RAD51B: variants seen among roughly 807,000 people sequenced by gnomAD.
The protein encoded by RAD51B is DNA repair protein RAD51 homolog 2.
A neutral mutation model predicts 42.2 loss-of-function variants in RAD51B; 38 were observed. That is an observed-to-expected ratio of 0.90 (90% CI 0.70 to 1.18). The LOEUF is 1.18. Among genes scored for constraint, RAD51B ranks in the 50% most tolerant of loss-of-function variants. The pLI is 0.00. For synonymous variants in RAD51B, 154 were observed against 145.2 expected (o/e 1.06, Z -0.43); for missense variants, 373 against 400.7 (o/e 0.93, Z 0.59).
At chr14:68,422,559 C>CA (rs60206313) in intron 9 of RAD51B, among the ~76,000 whole-genome samples, 27,813 of 104,458 alleles carry the variant, frequency 0.27, 4,926 homozygotes, top group East Asian at 0.5. Flanking sequence ...GTCTCCATCT[C>CA]AAAAAAAAAA....
At chr14:68,072,471 T>C (rs563872116) in intron 7 of RAD51B, among the ~76,000 whole-genome samples, 1 of 151,994 alleles carries the variant, frequency 6.6e-6, no homozygotes, top group Non-Finnish European at 1.5e-5. Context: ...GCTAGGCTCA[T>C]CTCGTCACTT....
At chr14:68,552,528 A>C (rs1888630510) in intron 10 of RAD51B, among the ~76,000 whole-genome samples, 1 of 152,248 alleles carries the variant, frequency 6.6e-6, no homozygotes, top group African/African-American at 2.4e-5. Flanking sequence ...TAGGGCCTCC[A>C]TTAAATAGAT....
At chr14:67,987,943 T>G (rs2075223244) in intron 7 of RAD51B, among the ~76,000 whole-genome samples, 1 of 152,220 alleles carries the variant, frequency 6.6e-6, no homozygotes, top group African/African-American at 2.4e-5. Flanking sequence ...TGCCGAGTGA[T>G]TTTATTCTTG....
intron 7 of RAD51B, among the ~76,000 whole-genome samples, chr14:67,940,276 G>GTT (rs1424970880): frequency 4.6e-5 from 7 of 150,714 alleles, no homozygotes; most frequent in Non-Finnish European, 1.0e-4. Flanking sequence ...GTTTCGCCAT[G>GTT]TTGGTCAGGT....
intron 8 of RAD51B, among the ~76,000 whole-genome samples, chr14:68,339,886 A>T (rs1026563449): frequency 1.3e-5 from 2 of 152,258 alleles, no homozygotes; most frequent in African/African-American, 4.8e-5. Flanking sequence ...ATATAATTTT[A>T]ATCATCACAA....
intron 7 of RAD51B, among the ~76,000 whole-genome samples, chr14:67,929,681 A>G (rs539376772): frequency 6.6e-6 from 1 of 151,890 alleles, no homozygotes; most frequent in East Asian, 1.9e-4. Context: ...ATGTTGAAGT[A>G]CCCCACTATT....
chr14:68,507,687 T>C (rs1212372694), intron 10 of RAD51B, among the ~76,000 whole-genome samples: 2 of 152,242 alleles, frequency 1.3e-5, no homozygotes, highest in Non-Finnish European at 2.9e-5. Context: ...TGACTGCTAA[T>C]TAACCATGGA....
chr14:68,221,491 T>C (rs750437497), intron 7 of RAD51B, among the ~76,000 whole-genome samples: 1 of 152,160 alleles, frequency 6.6e-6, no homozygotes, highest in Non-Finnish European at 1.5e-5. Context: ...AAGCCACATG[T>C]AGGAGAATGA....
intron 4 of RAD51B, among the ~76,000 whole-genome samples, chr14:67,862,176 T>A (rs1375423664): frequency 6.6e-6 from 1 of 152,168 alleles, no homozygotes; most frequent in East Asian, 1.9e-4. Context: ...GTGATAGATA[T>A]GTTAATTAGC....
At chr14:68,128,018 A>G (rs1328478308) in intron 7 of RAD51B, among the ~76,000 whole-genome samples, 1 of 152,236 alleles carries the variant, frequency 6.6e-6, no homozygotes, top group African/African-American at 2.4e-5. Context: ...ATAAAAATGA[A>G]TGTATGATAC....
intron 7 of RAD51B, among the ~76,000 whole-genome samples, chr14:67,921,076 T>C (rs1227292795): frequency 6.6e-6 from 1 of 152,192 alleles, no homozygotes; most frequent in Non-Finnish European, 1.5e-5. Flanking sequence ...GGAACAGTAT[T>C]TCTCAAATAT....
intron 9 of RAD51B, among the ~76,000 whole-genome samples, chr14:68,466,084 T>C (rs1255728376): frequency 6.6e-6 from 1 of 152,188 alleles, no homozygotes; most frequent in Non-Finnish European, 1.5e-5. Context: ...AAGTGTAAAT[T>C]CCCACCTATA....
Position 68,356,547 on chromosome 14 carries a change from T to TA in RAD51B, c.854-54866dup, listed in dbSNP as rs35711316. On this transcript the variant is annotated intron_variant, in intron 8 of 10. Transcript: ENST00000471583. Reference sequence around the variant, plus strand: ...ACCTAAATTTAAAATACTTAATTGCTAAAAAAAAAAATGCTAGGGATCATC... The same window carrying TA: ...ACCTAAATTTAAAATACTTAATTGCTAAAAAAAAAAAATGCTAGGGATCATC... Among the ~76,000 whole-genome samples, 63 of 150,882 alleles carry TA rather than the reference T, an allele frequency of 4.2e-4. No homozygotes were observed. The South Asian group carries it at 6.1e-3, about 15-fold the overall frequency.
chr14:68,427,094 G>T (rs1194076746), intron 9 of RAD51B, among the ~76,000 whole-genome samples: 1 of 152,238 alleles, frequency 6.6e-6, no homozygotes, highest in Non-Finnish European at 1.5e-5. Context: ...GAATGTATGA[G>T]CTCTTAGGCC....
At position 68,548,957 on chromosome 14, in the gene RAD51B, C is replaced by G. The variant is rs546988954; in HGVS notation, c.1037-45528C>G. Among the ~76,000 whole-genome samples the G allele has an allele frequency of 2.6e-5, 4 of 152,320 alleles. No homozygotes were observed. In the South Asian group the frequency reaches 8.3e-4, roughly 32 times the overall value. ...TTGTCAGCAAATCCCTCCTCCCACC[C>G]CTTTGTTGAATAAAGACCTAATTTG... is the stretch of plus-strand genomic sequence containing the variant. On this transcript the variant is annotated intron_variant, in intron 10 of 10. Coordinates refer to the RAD51B transcript ENST00000487270.
intron 10 of RAD51B, among the ~76,000 whole-genome samples, chr14:68,529,847 C>T (rs9323514): frequency 0.44 from 66,830 of 151,892 alleles, 15,503 homozygotes; most frequent in East Asian, 0.7. Context: ...ACTAAATTTG[C>T]CTAAATACTC....
At chr14:68,476,869 C>A (rs1270270780) in intron 10 of RAD51B, among the ~76,000 whole-genome samples, 1 of 152,188 alleles carries the variant, frequency 6.6e-6, no homozygotes, top group African/African-American at 2.4e-5. Context: ...GCTTGCATTG[C>A]AGACACAGCT....
At chr14:68,658,849 A>G (rs965435365) in intron 11 of RAD51B, among the ~76,000 whole-genome samples, 1 of 152,210 alleles carries the variant, frequency 6.6e-6, no homozygotes, top group African/African-American at 2.4e-5. Flanking sequence ...ATTTATCCCC[A>G]GTTTACAAAG....
chr14:68,580,525 C>T (rs574226899), intron 10 of RAD51B, among the ~76,000 whole-genome samples: 54 of 152,264 alleles, frequency 3.5e-4, no homozygotes, highest in African/African-American at 1.3e-3. Context: ...GGACAGTGAC[C>T]CGCGTGGAAG....
Sources: gnomAD v4.1 joint callset for allele counts (sites outside exome capture counted in the v4.1 genomes callset) on GRCh38, gnomAD v4.1.1 for gene constraint, MANE v1.5 for transcripts, NCBI Gene and HGNC (gene_info 2026-07-23, HGNC 2026-07-21) for gene names.